The following MIPEP variants were observed in gnomAD, a reference collection of about 807,000 sequenced individuals.
The protein encoded by MIPEP is mitochondrial intermediate peptidase.
MIPEP carries 79 observed loss-of-function variants against 90.3 expected under a neutral mutation model. That is an observed-to-expected ratio of 0.87 (90% confidence interval 0.73 to 1.05). MIPEP has a LOEUF of 1.05. Ranked by LOEUF, MIPEP falls within the 50% of genes least tolerant of loss-of-function variation. MIPEP has a pLI of 0.00. For synonymous variants in MIPEP, 334 were observed against 315.8 expected, an observed-to-expected ratio of 1.06 and a Z score of -0.61; for missense variants, 940 against 905.6, an observed-to-expected ratio of 1.04 and a Z score of -0.49.
chr13:23,817,509 C>A (rs984500278), intron 14 of MIPEP, among the ~76,000 whole-genome samples: 2 of 152,126 alleles, frequency 1.3e-5, no homozygotes, highest in African/African-American at 2.4e-5. Context: ...ATCTCTCCCC[C>A]ACTACCAAAC....
In MIPEP at chr13:23,798,926, C is replaced by A. The variant is rs1042724842; in HGVS notation, c.1848+7024G>T. On this transcript the variant is annotated intron_variant, in intron 16 of 18. Transcript: ENST00000382172. ...CCCAGTCTCAGGTATTTATTTGTAGCAACGTGAGAATGGATTAATACATAT... is the reference window on the plus strand; with the variant it reads ...CCCAGTCTCAGGTATTTATTTGTAGAAACGTGAGAATGGATTAATACATAT... Among the ~76,000 whole-genome samples the A allele has an allele frequency of 6.0e-5, 9 of 151,234 alleles. 1 individual carries two copies. The highest frequency in any genetic ancestry group is 1.2e-4 in the African/African-American group (5 of 41,192).
intron 16 of MIPEP, among the ~76,000 whole-genome samples, chr13:23,771,931 A>G (rs1236244529): frequency 6.6e-6 from 1 of 152,208 alleles, no homozygotes; most frequent in Non-Finnish European, 1.5e-5. Context: ...AAGAGGTAAA[A>G]AGCCAGACGT....
In MIPEP at chr13:23,753,229, A is replaced by T. The variant is rs573519399; in HGVS notation, c.2044+3316T>A. Reference sequence around the variant, plus strand: ...GGCAGTAGAGACTCCATCTCAAAAAAAAAAAAAAAAATAATAATAATAATA... The same window carrying T: ...GGCAGTAGAGACTCCATCTCAAAAATAAAAAAAAAAATAATAATAATAATA... On this transcript the variant is annotated intron_variant, in intron 18 of 18. Transcript: ENST00000382172. Among the ~76,000 whole-genome samples the T allele has an allele frequency of 1.2e-3, 182 of 148,048 alleles. 2 individuals are homozygous for T. The highest frequency in any genetic ancestry group is 4.4e-3 in the African/African-American group (174 of 39,620).
chr13:23,879,293 C>A lies in MIPEP; in HGVS notation c.514G>T (p.Val172Leu). The A allele has an allele frequency of 1.2e-6, 2 of 1,605,844 alleles. No homozygotes were observed. The highest frequency in any genetic ancestry group is 1.3e-5 in the African/African-American group (1 of 74,866). ...LQKLLADKKL[V>L]DSLDPETRRV... ...CTTGTTTCTGGATCAAGGGAATCCA[C>A]AAGTTTTTTATCAGCTAGTAATTTT... Residue 172 changes from valine (V) to leucine (L), a missense_variant, in exon 4 of 19, where the codon GTG (valine) becomes TTG (leucine). Transcript: ENST00000382172.
intron 10 of MIPEP, among the ~76,000 whole-genome samples, chr13:23,842,796 G>A (rs942932985): frequency 4.6e-5 from 7 of 152,124 alleles, no homozygotes; most frequent in Non-Finnish European, 8.8e-5. Flanking sequence ...AAAGCTTCTC[G>A]GATAGGAATC....
At chr13:23,744,286 T>A (rs1333068162) in intron 18 of MIPEP, among the ~76,000 whole-genome samples, 1 of 152,220 alleles carries the variant, frequency 6.6e-6, no homozygotes, top group Non-Finnish European at 1.5e-5. Flanking sequence ...CCCCATGATA[T>A]CTTACTCTGA....
At chr13:23,815,464 G>C (rs1237354052) in intron 14 of MIPEP, among the ~76,000 whole-genome samples, 1 of 152,066 alleles carries the variant, frequency 6.6e-6, no homozygotes, top group African/African-American at 2.4e-5. Context: ...TTGCAAGCAT[G>C]CACCACTGTG....
intron 14 of MIPEP, among the ~76,000 whole-genome samples, chr13:23,830,755 TA>T (rs745535158): frequency 6.6e-6 from 1 of 152,210 alleles, no homozygotes; most frequent in African/African-American, 2.4e-5. Context: ...TTTTCTAGTC[TA>T]AAAATGTCTT....
chr13:23,860,311 G>A lies in MIPEP; in HGVS notation c.1054-1399C>T, dbSNP rs145193265. On this transcript the variant is annotated intron_variant, in intron 9 of 18. Coordinates refer to ENST00000382172, the MANE Select transcript of MIPEP (RefSeq NM_005932.4). ...GGAGAAAGGCATTCCTGTAGGTGGT[G>A]TTTGTAAATGACTGGAAGCTGCTCA... Among the ~76,000 whole-genome samples the A allele has an allele frequency of 4.2e-3, 642 of 152,344 alleles. 3 individuals are homozygous for A. Among genetic ancestry groups the A allele is most frequent in the Non-Finnish European group, 6.8e-3 (462 of 68,034 alleles).
intron 14 of MIPEP, among the ~76,000 whole-genome samples, chr13:23,830,978 G>A (rs1234719307): frequency 6.6e-6 from 1 of 152,150 alleles, no homozygotes; most frequent in Non-Finnish European, 1.5e-5. Flanking sequence ...GTTTCTGTAG[G>A]GGTGGAGGAG....
At chr13:23,838,396 C>T (rs555543513) in intron 12 of MIPEP, among the ~76,000 whole-genome samples, 90 of 152,130 alleles carry the variant, frequency 5.9e-4, no homozygotes, top group Non-Finnish European at 1.1e-3. Context: ...GATCTGCCAG[C>T]CTCAGCCTCC....
At chr13:23,757,295 T>C (rs1952498910) in intron 17 of MIPEP, among the ~76,000 whole-genome samples, 3 of 151,932 alleles carry the variant, frequency 2.0e-5, no homozygotes, top group African/African-American at 7.3e-5. Flanking sequence ...ATGCTGCCAC[T>C]AATTCAACAG....
At chr13:23,746,633 CAA>C (rs34666099) in intron 18 of MIPEP, among the ~76,000 whole-genome samples, 174 of 99,336 alleles carry the variant, frequency 1.8e-3, no homozygotes, top group African/African-American at 6.0e-3. Context: ...GACTCCCTCT[CAA>C]AAAAAAAAAA....
chr13:23,805,825 G>C, intron 16 of MIPEP, 125 bp downstream of exon 16: 1 of 989,838 alleles, frequency 1.0e-6, no homozygotes, highest in Non-Finnish European at 1.5e-6. Flanking sequence ...CAGCATTTGA[G>C]CCATGTGAAG....
At chr13:23,751,980 T>C (rs1392357921) in intron 18 of MIPEP, among the ~76,000 whole-genome samples, 5 of 151,314 alleles carry the variant, frequency 3.3e-5, no homozygotes, top group East Asian at 1.9e-4. Flanking sequence ...AAGACCCACA[T>C]TGCTTACATC....
chr13:23,880,051 C>A (rs566643101), intron 3 of MIPEP, among the ~76,000 whole-genome samples: 2 of 152,252 alleles, frequency 1.3e-5, no homozygotes, highest in African/African-American at 4.8e-5. Flanking sequence ...ATACAATCTG[C>A]ACCCTGCTGG....
chr13:23,739,807 G>A (rs1298481373), intron 18 of MIPEP, among the ~76,000 whole-genome samples: 1 of 151,748 alleles, frequency 6.6e-6, no homozygotes, highest in Non-Finnish European at 1.5e-5. Flanking sequence ...TTATCAAAAG[G>A]AAATGTTTAC....
At chr13:23,861,051 A>C (rs1870281677) in intron 9 of MIPEP, among the ~76,000 whole-genome samples, 1 of 152,104 alleles carries the variant, frequency 6.6e-6, no homozygotes, top group South Asian at 2.1e-4. Flanking sequence ...TGCATTTCTA[A>C]CAGGCTCCCA....
intron 13 of MIPEP, among the ~76,000 whole-genome samples, chr13:23,836,936 A>G (rs1422096877): frequency 6.6e-6 from 1 of 152,230 alleles, no homozygotes; most frequent in Non-Finnish European, 1.5e-5. Context: ...CTGTGTGTAA[A>G]GTTAGTTAAC....
Sources: allele counts gnomAD v4.1 joint callset (sites outside exome capture counted in the v4.1 genomes callset), GRCh38; gene constraint gnomAD v4.1.1; transcripts MANE v1.5; gene names NCBI Gene and HGNC (gene_info 2026-07-23, HGNC 2026-07-21).